Variants in NRDC observed in about 807,000 individuals in gnomAD.
The protein encoded by NRDC is nardilysin.
Under a neutral mutation model 147.1 loss-of-function variants are expected in NRDC, and 54 were observed. The ratio of observed to expected loss-of-function variants is 0.37; its 90% CI spans 0.29 to 0.46. NRDC has a LOEUF of 0.46. NRDC is among the 20% of genes least tolerant of loss of function. The probability of loss-of-function intolerance (pLI) is 1.00; values close to 1 mark genes in which losing one functional copy is unlikely to be tolerated. For synonymous variants in NRDC, 440 were observed against 482.1 expected (o/e 0.91, Z 1.14); for missense variants, 1,082 against 1,370.6 (o/e 0.79, Z 3.33).
At chr1:51,820,173 C>A (rs1680149995) in intron 8 of NRDC, among the ~76,000 whole-genome samples, 1 of 152,186 alleles carries the variant, frequency 6.6e-6, no homozygotes, top group Non-Finnish European at 1.5e-5. Context: ...AATTTCAGTT[C>A]TCCTCCTAGA....
At chr1:51,836,506 A>C in intron 2 of NRDC, 16 of 1,321,286 alleles carry the variant, frequency 1.2e-5, no homozygotes, top group Non-Finnish European at 1.7e-5. Context: ...CCCAAATATC[A>C]TTTCATGTCA....
At chr1:51,829,957 TTTTA>T (rs1319776696) in intron 4 of NRDC, among the ~76,000 whole-genome samples, 2 of 149,788 alleles carry the variant, frequency 1.3e-5, no homozygotes, top group Non-Finnish European at 2.9e-5. Context: ...CAAATTTGTC[TTTTA>T]TTTCTTTTTT....
At chr1:51,866,119 G>A (rs1682792786) in intron 1 of NRDC, among the ~76,000 whole-genome samples, 1 of 152,114 alleles carries the variant, frequency 6.6e-6, no homozygotes, top group African/African-American at 2.4e-5. Flanking sequence ...CCACTCCAGA[G>A]GCTGAGGCAG....
chr1:51,871,920 G>A (rs1571928232), intron 1 of NRDC, among the ~76,000 whole-genome samples: 1 of 152,266 alleles, frequency 6.6e-6, no homozygotes, highest in African/African-American at 2.4e-5. Context: ...GCCCAGCCTA[G>A]AGTGCAGTGG....
chr1:51,834,226 C>G, intron 3 of NRDC, 56 bp from the exon 4 acceptor site: 1 of 1,561,678 alleles, frequency 6.4e-7, no homozygotes, highest in Admixed American at 1.7e-5. Flanking sequence ...ATATTTTTAT[C>G]ACACATGAAC....
chr1:51,791,228 C>T (rs1187057615), intron 27 of NRDC, among the ~76,000 whole-genome samples: 1 of 152,200 alleles, frequency 6.6e-6, no homozygotes, highest in African/African-American at 2.4e-5. Flanking sequence ...CATAATGAAG[C>T]AGTCACAACC....
At chr1:51,827,969 C>A in intron 4 of NRDC, 100 bp from the exon 5 acceptor site, 1 of 879,292 alleles carries the variant, frequency 1.1e-6, no homozygotes, top group Non-Finnish European at 1.9e-6. Context: ...AGATTTAATT[C>A]ACAATCCTAA....
At position 51,834,144 on chromosome 1, in the gene NRDC, G is replaced by T; in HGVS notation, c.739C>A (p.Pro247Thr). 1 of 1,613,820 alleles carries T rather than the reference G, an allele frequency of 6.2e-7. No homozygotes were observed. The highest frequency in any genetic ancestry group is 8.5e-7 in the Non-Finnish European group (1 of 1,179,980). Residue 247 changes from proline to threonine, a missense_variant, in exon 4 of 31, where the codon CCA becomes ACA. Physicochemically the swap from Pro to Thr is conservative, Grantham distance 38. Around this residue, in one of 3 missense-constraint regions of NRDC, gnomAD observed 635 missense variants for 923.8 expected, o/e 0.69. Transcript: ENST00000352171. ...HMVFMGSLKY[P>T]DENGFDAFLK... ...AAGGCATCAAATCCATTCTCATCTGGATATTTCAAACTACCCATGAATACC... is the reference window on the plus strand; with the variant it reads ...AAGGCATCAAATCCATTCTCATCTGTATATTTCAAACTACCCATGAATACC...
At chr1:51,835,544 G>A (rs1004724797) in intron 3 of NRDC, among the ~76,000 whole-genome samples, 2 of 139,356 alleles carry the variant, frequency 1.4e-5, no homozygotes, top group East Asian at 4.2e-4. Flanking sequence ...TCAGCTCACT[G>A]CAACCTCTAC....
In NRDC at chr1:51,823,722, T is replaced by C. The variant is rs1188347508; in HGVS notation, c.1101A>G (p.Arg367=). 1.9e-6 allele frequency: 3 copies of C among 1,607,246 alleles called. No homozygotes were observed. In the Admixed American group the frequency reaches 5.0e-5, roughly 27 times the overall value. The part of the protein sequence containing the change: ...KNNIDTHARL[R]EFWMRYYSSH... Reference sequence around the variant, plus strand: ...AAGAGTAGTAACGCATCCAGAATTCTCTCAATCTAGCATGTGTATCAATAT... The same window carrying C: ...AAGAGTAGTAACGCATCCAGAATTCCCTCAATCTAGCATGTGTATCAATAT... The change falls in exon 7 of 31, where the codon AGA becomes AGG. Residue 367 remains arginine, a synonymous_variant. Coordinates refer to ENST00000352171, the MANE Select transcript of NRDC (RefSeq NM_001101662.2).
intron 2 of NRDC, among the ~76,000 whole-genome samples, chr1:51,839,720 T>G (rs2149222501): frequency 1.3e-5 from 2 of 152,296 alleles, no homozygotes; most frequent in South Asian, 4.1e-4. Flanking sequence ...AAGTGCTAAA[T>G]CAAACTCAAT....
At chr1:51,821,722 A>G (rs1393343992) in intron 7 of NRDC, among the ~76,000 whole-genome samples, 167 bp from the exon 8 acceptor site, 1 of 152,232 alleles carries the variant, frequency 6.6e-6, no homozygotes, top group Non-Finnish European at 1.5e-5. Context: ...GAAAAATAAC[A>G]GTAGAAAAGA....
chr1:51,878,507 C>G lies in NRDC; in HGVS notation c.109G>C (p.Glu37Gln). Reference protein sequence around the residue: ...LWGIETRGRCEDSAAARPFPI... With the variant: ...LWGIETRGRCQDSAAARPFPI... ...AAGGGTCTGGCAGCAGCAGAGTCTT[C>G]GCACCGACCCCGCGTTTCGATTCCC... Residue 37 changes from glutamate (E) to glutamine (Q), a missense_variant, in exon 1 of 31, where the codon GAA becomes CAA. Glu to Gln is a conservative substitution (Grantham distance 29). Around this residue, in one of 3 missense-constraint regions of NRDC, gnomAD observed 260 missense variants for 253.2 expected, o/e 1.03. Coordinates refer to ENST00000352171, the MANE Select transcript of NRDC (RefSeq NM_001101662.2). 1.9e-6 allele frequency: 3 copies of G among 1,613,810 alleles called. No individual in the cohort carries two copies. The highest frequency in any genetic ancestry group is 2.5e-6 in the Non-Finnish European group (3 of 1,179,962).
chr1:51,852,086 G>A (rs1329941856), intron 1 of NRDC, among the ~76,000 whole-genome samples: 2 of 152,080 alleles, frequency 1.3e-5, no homozygotes, highest in Non-Finnish European at 2.9e-5. Flanking sequence ...GAGAAACTGA[G>A]GCTCTAGAGA....
intron 22 of NRDC, among the ~76,000 whole-genome samples, chr1:51,796,869 A>G (rs1202189722): frequency 5.7e-5 from 8 of 139,798 alleles, no homozygotes; most frequent in South Asian, 5.3e-4. Context: ...TACAGGCGTG[A>G]GCCACCGCGC....
Position 51,836,496 on chromosome 1 carries a change from C to G in NRDC, c.631-284G>C. On this transcript the variant is annotated intron_variant, in intron 2 of 30. Coordinates refer to ENST00000352171, the MANE Select transcript of NRDC (RefSeq NM_001101662.2). ...AAGGGAAGAGGGACTGGACAGCCCA[C>G]CCAAATATCATTTCATGTCAGCATT... 11 of 1,397,240 alleles carry G rather than the reference C, an allele frequency of 7.9e-6. No homozygotes were observed. The South Asian group carries it at 1.3e-4, about 17-fold the overall frequency. The allele number at this position is 1,397,240 out of a possible 1,614,324, so 86.6% of individuals were successfully genotyped here.
Position 51,840,213 on chromosome 1 carries a change from A to G in NRDC, c.630+13T>C. On this transcript the variant is annotated intron_variant, in intron 2 of 30. Coordinates refer to ENST00000352171, the MANE Select transcript of NRDC (RefSeq NM_001101662.2). Reference sequence around the variant, plus strand: ...GAATTCCCAAATTAGAAGAAAACAGACATGACTCGCACCTGTTTTTCAGTA... The same window carrying G: ...GAATTCCCAAATTAGAAGAAAACAGGCATGACTCGCACCTGTTTTTCAGTA... 1 of 1,572,964 alleles carries G rather than the reference A, an allele frequency of 6.4e-7. No individual in the cohort carries two copies. The highest frequency in any genetic ancestry group is 8.6e-7 in the Non-Finnish European group (1 of 1,163,472).
At chr1:51,827,674 T>G in intron 5 of NRDC, 122 bp downstream of exon 5, 1 of 703,350 alleles carries the variant, frequency 1.4e-6, no homozygotes, top group Non-Finnish European at 2.4e-6. Flanking sequence ...ATAACACATA[T>G]TTCAATTTAG....
chr1:51,789,637 G>A lies in NRDC; in HGVS notation c.3189C>T (p.Phe1063=), dbSNP rs776778112. ...ACCAGTTGACCAGGTCTGATTTTGA[G>A]AATGACTTCAGTGCTTCAATCTTAC... The part of the protein sequence containing the change: ...LAHEIEALKS[F]SKSDLVNWFK... Residue 1063 remains phenylalanine (F), a synonymous_variant, in exon 30 of 31, where the codon TTC becomes TTT. Coordinates refer to ENST00000352171, the MANE Select transcript of NRDC (RefSeq NM_001101662.2). 74 of 1,613,278 alleles carry A rather than the reference G, an allele frequency of 4.6e-5. 1 individual carries two copies. In the Middle Eastern group the frequency reaches 3.1e-3, roughly 68 times the overall value.
Sources: gnomAD v4.1 joint callset for allele counts (sites outside exome capture counted in the v4.1 genomes callset) on GRCh38, gnomAD v4.1.1 for gene constraint, gnomAD v4.1.1 regional missense constraint, MANE v1.5 for transcripts, NCBI Gene and HGNC (gene_info 2026-07-23, HGNC 2026-07-21) for gene names.